ATAD1: variants seen among roughly 807,000 people sequenced by gnomAD.
ATAD1 encodes the protein ATPase family AAA domain containing 1.
ATAD1 carries 18 observed loss-of-function variants against 42.7 expected under a neutral mutation model. The observed-to-expected ratio is 0.42, with a 90% CI of 0.29 to 0.63. The LOEUF (loss-of-function observed/expected upper bound fraction) is 0.63. ATAD1 is among the 20% of genes least tolerant of loss of function. The probability of loss-of-function intolerance (pLI) is 0.19; values close to 1 mark genes in which losing one functional copy is unlikely to be tolerated. For synonymous variants in ATAD1, 132 were observed against 143.1 expected (o/e 0.92, Z 0.55); for missense variants, 294 against 440.4 (o/e 0.67, Z 2.98).
chr10:87,803,348 T>C (rs1856788113), intron 2 of ATAD1, among the ~76,000 whole-genome samples: 1 of 152,156 alleles, frequency 6.6e-6, no homozygotes, highest in Non-Finnish European at 1.5e-5. Context: ...GGAGGAAATA[T>C]GAAAGGAAAA....
Position 87,804,936 on chromosome 10 carries a change from C to A in ATAD1, c.162+9502G>T, listed in dbSNP as rs545262724. On this transcript the variant is annotated intron_variant, in intron 2 of 9. Transcript: ENST00000680024. ...CTCTCATTACCAATTAAATCTCCTG[C>A]CTTTCACAAACTGAAGGTTTTCCTG... Among the ~76,000 whole-genome samples the A allele has an allele frequency of 1.1e-4, 16 of 152,306 alleles. No individual in the cohort carries two copies. The East Asian group carries it at 2.7e-3, about 26-fold the overall frequency.
At chr10:87,790,532 A>G in intron 3 of ATAD1, 102 bp from the exon 4 acceptor site, 3 of 1,208,128 alleles carry the variant, frequency 2.5e-6, no homozygotes, top group Non-Finnish European at 3.3e-6. Context: ...ATGATTATAC[A>G]TAAATAAGTT....
At chr10:87,814,412 A>G in intron 2 of ATAD1, 26 bp downstream of exon 2, 1 of 1,536,042 alleles carries the variant, frequency 6.5e-7, no homozygotes, top group Non-Finnish European at 8.7e-7. Context: ...CACAAGAAAA[A>G]TGATCTTCAA....
At position 87,814,425 on chromosome 10, in the gene ATAD1, AT is replaced by A; in HGVS notation, c.162+12del. 6.4e-7 allele frequency: 1 copy of A among 1,564,394 alleles called. No individual in the cohort carries two copies. The highest frequency in any genetic ancestry group is 2.3e-5 in the East Asian group (1 of 42,976). Reference sequence around the variant, plus strand: ...GCCACAAGAAAAATGATCTTCAAACATTTCAATCATACCTGTTTCTGAGCTT... The same window carrying A: ...GCCACAAGAAAAATGATCTTCAAACATTCAATCATACCTGTTTCTGAGCTT... On this transcript the variant is annotated intron_variant, in intron 2 of 9. Coordinates refer to ENST00000680024, the MANE Select transcript of ATAD1 (RefSeq NM_001321967.2).
chr10:87,838,441 G>C (rs1351913588), intron 1 of ATAD1, among the ~76,000 whole-genome samples: 21 of 116,106 alleles, frequency 1.8e-4, no homozygotes, highest in African/African-American at 6.6e-4. Context: ...CAACCTGGGT[G>C]ACAGAGTGAG....
chr10:87,754,624 T>G lies in ATAD1; in HGVS notation c.*63A>C. ...TAAAGAGCACTCTTTCCGTTCTATT[T>G]CCACTAACTGATAAGAGGACACACC... On this transcript the variant is annotated 3_prime_UTR_variant, in exon 10 of 10. Transcript: ENST00000680024. 6.5e-7 allele frequency: 1 copy of G among 1,531,186 alleles called. No homozygotes were observed. The highest frequency in any genetic ancestry group is 8.9e-7 in the Non-Finnish European group (1 of 1,128,700). The allele number at this position is 1,531,186 out of a possible 1,614,324, so 94.8% of individuals were successfully genotyped here. A position where few individuals can be genotyped will look rare whatever the true frequency, so the allele number is the denominator to read the frequency against.
At chr10:87,796,441 T>C (rs1014209105) in intron 2 of ATAD1, among the ~76,000 whole-genome samples, 2 of 152,222 alleles carry the variant, frequency 1.3e-5, no homozygotes, top group African/African-American at 2.4e-5. Context: ...TATCTACCTA[T>C]GACCTGGAAG....
intron 2 of ATAD1, among the ~76,000 whole-genome samples, chr10:87,794,096 T>A (rs1175453878): frequency 6.6e-6 from 1 of 152,130 alleles, no homozygotes; most frequent in Non-Finnish European, 1.5e-5. Flanking sequence ...AGTACACGCC[T>A]GTAGTCCTAG....
chr10:87,775,971 A>G (rs1855285357), intron 6 of ATAD1, among the ~76,000 whole-genome samples: 1 of 152,194 alleles, frequency 6.6e-6, no homozygotes, highest in Non-Finnish European at 1.5e-5. Context: ...GGAAAACAGA[A>G]AGAACAGTTT....
At chr10:87,754,910 ATT>A in intron 9 of ATAD1, 103 bp from the exon 10 acceptor site, 1 of 1,392,966 alleles carries the variant, frequency 7.2e-7, no homozygotes, top group South Asian at 1.5e-5. Flanking sequence ...TAAAAAAAAA[ATT>A]TTGTTTTCAA....
At chr10:87,819,821 A>G (rs1366944094), upstream of ATAD1, among the ~76,000 whole-genome samples, 1 of 152,220 alleles carries the variant, frequency 6.6e-6, no homozygotes, top group Non-Finnish European at 1.5e-5. Flanking sequence ...AAGTAAGACC[A>G]TGAAATGCCA....
chr10:87,807,402 T>C (rs1463305689), intron 2 of ATAD1, among the ~76,000 whole-genome samples: 5 of 152,184 alleles, frequency 3.3e-5, no homozygotes, highest in Admixed American at 6.5e-5. Flanking sequence ...TACTAATTTA[T>C]ATTCCCAACA....
Position 87,784,595 on chromosome 10 carries a change from C to T in ATAD1, c.458G>A (p.Arg153Gln), listed in dbSNP as rs757796330. 39 of 1,613,426 alleles carry T rather than the reference C, an allele frequency of 2.4e-5. No individual in the cohort carries two copies. The South Asian group carries it at 3.5e-4, about 15-fold the overall frequency. Residue 153 changes from arginine (R) to glutamine (Q), a missense_variant, in exon 5 of 10, where the codon CGA (arginine) becomes CAA (glutamine). Physicochemically the swap from Arg to Gln is conservative, Grantham distance 43. Around this residue, in one of 3 missense-constraint regions of ATAD1, gnomAD observed 121 missense variants for 187.3 expected, o/e 0.65. Transcript: ENST00000680024. ...AKATAKEAGC[R>Q]FINLQPSTLT... ...TGTCGAAGGCTGAAGGTTAATAAAT[C>T]GACAGCCTGCTTCTTTGGCTGTGGC...
intron 8 of ATAD1, among the ~76,000 whole-genome samples, chr10:87,761,774 A>G (rs1448638986): frequency 6.6e-6 from 1 of 151,650 alleles, no homozygotes; most frequent in Admixed American, 6.6e-5. Flanking sequence ...TCTTCCTCTT[A>G]TTTCTTTTTT....
chr10:87,818,990 C>T (rs1857561490), upstream of ATAD1: 1 of 152,240 alleles, frequency 6.6e-6, no homozygotes, highest in East Asian at 1.9e-4. Context: ...GGCCAGATGA[C>T]ATTAGACACT....
chr10:87,794,940 C>A (rs1323515946), intron 2 of ATAD1, among the ~76,000 whole-genome samples: 2 of 152,132 alleles, frequency 1.3e-5, no homozygotes, highest in Non-Finnish European at 2.9e-5. Context: ...AGATTGTATT[C>A]ACAATATATC....
intron 1 of ATAD1, chr10:87,817,937 T>A (rs755889235): frequency 5.1e-6 from 5 of 985,536 alleles, no homozygotes; most frequent in Non-Finnish European, 6.0e-6. Context: ...AAGCAGACCC[T>A]AAGGGCCCAG....
intron 3 of ATAD1, 41 bp downstream of exon 3, chr10:87,792,616 C>G (rs763477519): frequency 1.6e-6 from 2 of 1,242,942 alleles, no homozygotes; most frequent in Non-Finnish European, 2.3e-6. Context: ...GAACCCACCC[C>G]CACCTCTAAA....
At chr10:87,785,265 CTT>C (rs1053733820) in intron 4 of ATAD1, among the ~76,000 whole-genome samples, 8 of 151,972 alleles carry the variant, frequency 5.3e-5, no homozygotes, top group Admixed American at 5.3e-4. Flanking sequence ...TAAGGTAACA[CTT>C]TTAATACAAG....
Sources: gnomAD v4.1 joint callset for allele counts (sites outside exome capture counted in the v4.1 genomes callset) on GRCh38, gnomAD v4.1.1 for gene constraint, gnomAD v4.1.1 regional missense constraint, MANE v1.5 for transcripts, NCBI Gene and HGNC (gene_info 2026-07-23, HGNC 2026-07-21) for gene names.